The following GNB1L variants were observed in gnomAD, a reference collection of about 807,000 sequenced individuals.
The protein encoded by GNB1L is guanine nucleotide-binding protein subunit beta-like protein 1.
GNB1L carries 20 observed loss-of-function variants against 29.1 expected under a neutral mutation model. The ratio of observed to expected loss-of-function variants is 0.69; its 90% CI spans 0.48 to 1.00. The LOEUF (loss-of-function observed/expected upper bound fraction) is 1.00. GNB1L is among the 50% of genes least tolerant of loss of function. The probability of loss-of-function intolerance (pLI) is 0.00; values close to 1 mark genes in which losing one functional copy is unlikely to be tolerated. For synonymous variants in GNB1L, 193 were observed against 206.5 expected, an observed-to-expected ratio of 0.93 and a Z score of 0.56; for missense variants, 421 against 464.9, an observed-to-expected ratio of 0.91 and a Z score of 0.87.
In GNB1L at chr22:19,785,973, G is replaced by C. The variant is rs1459716580; in HGVS notation, c.*2736C>G. 2 of 152,314 alleles carry C rather than the reference G, an allele frequency of 1.3e-5. No individual in the cohort carries two copies. The highest frequency in any genetic ancestry group is 4.8e-5 in the African/African-American group (2 of 41,462). The allele number at this position is 152,314 out of a possible 1,614,324, so 9.4% of individuals were successfully genotyped here. ...GTGGACACCACGGAGCAGCTCAAGAGAGGAACAGGACCAGGAGGGCTGCAC... is the reference window on the plus strand; with the variant it reads ...GTGGACACCACGGAGCAGCTCAAGACAGGAACAGGACCAGGAGGGCTGCAC... On this transcript the variant is annotated 3_prime_UTR_variant, in exon 8 of 8. Coordinates refer to ENST00000329517, the MANE Select transcript of GNB1L (RefSeq NM_053004.3). This position sits in a 1 kb window ranked among gnomAD's most constrained non-coding sequence, Gnocchi z 4.1.
intron 2 of GNB1L, chr22:19,846,342 C>G: frequency 1.2e-6 from 1 of 831,794 alleles, no homozygotes; most frequent in Non-Finnish European, 1.5e-6. Flanking sequence ...GCCTTTGTAC[C>G]CCCCAGGTAG....
chr22:19,824,151 G>C (rs1937601156), intron 2 of GNB1L, among the ~76,000 whole-genome samples: 2 of 152,372 alleles, frequency 1.3e-5, no homozygotes, highest in South Asian at 4.1e-4. Context: ...CGGCAATTAA[G>C]GGCTCCATCA....
chr22:19,839,887 TAATAAC>T (rs1457576906), intron 2 of GNB1L, among the ~76,000 whole-genome samples: 1 of 148,410 alleles, frequency 6.7e-6, no homozygotes, highest in Non-Finnish European at 1.5e-5. Flanking sequence ...ATAATAATAA[TAATAAC>T]AATAATAATA....
intron 7 of GNB1L, among the ~76,000 whole-genome samples, chr22:19,789,983 G>A (rs554584563): frequency 9.2e-5 from 14 of 152,342 alleles, no homozygotes; most frequent in Non-Finnish European, 1.6e-4. Flanking sequence ...GGGTGCCAAG[G>A]GATGACGGGG....
intron 7 of GNB1L, chr22:19,792,632 A>G: frequency 4.4e-6 from 7 of 1,588,686 alleles, no homozygotes; most frequent in Non-Finnish European, 6.0e-6. Flanking sequence ...AGAAGCAGAG[A>G]CTGTTGGCCT....
intron 2 of GNB1L, among the ~76,000 whole-genome samples, chr22:19,832,586 C>T (rs950646831): frequency 2.6e-5 from 4 of 152,288 alleles, no homozygotes; most frequent in Admixed American, 2.6e-4. Context: ...TGCGCTACGG[C>T]CCCAAGAATG....
intron 5 of GNB1L, among the ~76,000 whole-genome samples, chr22:19,807,206 C>A (rs75429748): frequency 1.8e-3 from 277 of 152,338 alleles, no homozygotes; most frequent in African/African-American, 6.6e-3. Flanking sequence ...ACCTGGCTCC[C>A]CCACCTGGAC....
At chr22:19,800,153 C>T (rs755109782) in intron 7 of GNB1L, among the ~76,000 whole-genome samples, 33 of 152,360 alleles carry the variant, frequency 2.2e-4, no homozygotes, top group South Asian at 6.2e-4. Flanking sequence ...TTTAACTTTT[C>T]AATTCATCAA....
At chr22:19,849,542 A>G in intron 2 of GNB1L, 1 of 373,828 alleles carries the variant, frequency 2.7e-6, no homozygotes, top group South Asian at 1.1e-4. Flanking sequence ...CTAATTTTGT[A>G]TTTTTAGGAG....
At chr22:19,797,967 T>A (rs1311472521) in intron 7 of GNB1L, among the ~76,000 whole-genome samples, 3 of 152,194 alleles carry the variant, frequency 2.0e-5, no homozygotes, top group Admixed American at 1.3e-4. Flanking sequence ...CTCGGCGGTA[T>A]CCTGCCTGTG....
chr22:19,785,103 C>A lies in GNB1L; in HGVS notation c.*3606G>T, dbSNP rs1365904000. 1 of 152,252 alleles carries A rather than the reference C, an allele frequency of 6.6e-6. No homozygotes were observed. Among genetic ancestry groups the A allele is most frequent in the Non-Finnish European group, 1.5e-5 (1 of 68,080 alleles). 9.4% of individuals were successfully genotyped at this position (152,252 alleles called of 1,614,324 possible). ...CACATGGAAATTCTTCCAATAAGAACAGGATGGTGGGCCGGGCGCAGTGGC... is the reference window on the plus strand; with the variant it reads ...CACATGGAAATTCTTCCAATAAGAAAAGGATGGTGGGCCGGGCGCAGTGGC... On this transcript the variant is annotated 3_prime_UTR_variant, in exon 8 of 8. Coordinates refer to ENST00000329517, the MANE Select transcript of GNB1L (RefSeq NM_053004.3). The surrounding 1 kb of genome is among the most constrained non-coding windows in gnomAD (Gnocchi z 4.1).
chr22:19,789,933 G>C (rs909295836), intron 7 of GNB1L, among the ~76,000 whole-genome samples: 5 of 152,152 alleles, frequency 3.3e-5, no homozygotes, highest in African/African-American at 1.2e-4. Context: ...TGTTGATGAG[G>C]GTGCTGTTTA....
chr22:19,815,342 G>C (rs1158454789), intron 4 of GNB1L, among the ~76,000 whole-genome samples: 1 of 152,212 alleles, frequency 6.6e-6, no homozygotes, highest in Non-Finnish European at 1.5e-5. Context: ...TGGAGAACCT[G>C]CCAAACTGAT....
chr22:19,822,779 TG>T (rs1937589567), intron 2 of GNB1L, among the ~76,000 whole-genome samples: 1 of 152,082 alleles, frequency 6.6e-6, no homozygotes, highest in Admixed American at 6.5e-5. Context: ...GGTAGGCGGA[TG>T]GGGGTGCAGG....
intron 2 of GNB1L, among the ~76,000 whole-genome samples, chr22:19,854,227 C>G (rs148397657): frequency 1.3e-5 from 2 of 152,344 alleles, no homozygotes; most frequent in African/African-American, 4.8e-5. Flanking sequence ...GGGCAGGTAC[C>G]ACGGCGCATG....
In GNB1L at chr22:19,820,738, C is replaced by T. The variant is rs1423249098; in HGVS notation, c.129-15G>A. On this transcript the variant is annotated splice_polypyrimidine_tract_variant and intron_variant, in intron 3 of 7. Transcript: ENST00000329517. ...CACTCTGAGACCTGTTTCAGACAAG[C>T]CGAGCAGGGTGTCAGGGGGCAGAAG... 6.2e-7 allele frequency: 1 copy of T among 1,603,032 alleles called. No homozygotes were observed. Among genetic ancestry groups the T allele is most frequent in the Non-Finnish European group, 8.5e-7 (1 of 1,171,560 alleles).
intron 2 of GNB1L, chr22:19,847,879 T>C (rs1938003345): frequency 1.0e-6 from 1 of 973,986 alleles, no homozygotes; most frequent in Non-Finnish European, 1.2e-6. Context: ...AAATCTTTAA[T>C]CTGGAATATG....
chr22:19,799,777 G>A (rs1937348510), intron 7 of GNB1L, among the ~76,000 whole-genome samples: 1 of 152,304 alleles, frequency 6.6e-6, no homozygotes, highest in African/African-American at 2.4e-5. Context: ...GCTCCCGGGT[G>A]GCAAGAACGC....
In GNB1L at chr22:19,783,919, A is replaced by G. The variant is rs1937166936; in HGVS notation, c.*4790T>C. On this transcript the variant is annotated 3_prime_UTR_variant, in exon 8 of 8. Transcript: ENST00000329517. ...TGACAGAGGGTCTCAAGGACTCTCC[A>G]CCCACAAGGCGGGAATGGGGATGCT... The G allele has an allele frequency of 6.6e-6, 1 of 152,230 alleles. No homozygotes were observed. The highest frequency in any genetic ancestry group is 2.4e-5 in the African/African-American group (1 of 41,406). 9.4% of individuals were successfully genotyped at this position (152,230 alleles called of 1,614,324 possible).
Sources: gnomAD v4.1 joint callset for allele counts (sites outside exome capture counted in the v4.1 genomes callset) on GRCh38, gnomAD v4.1.1 for gene constraint, Gnocchi (gnomAD v3.1) non-coding constraint, MANE v1.5 for transcripts, NCBI Gene and HGNC (gene_info 2026-07-23, HGNC 2026-07-21) for gene names.